SPOCK1: variants seen among roughly 807,000 people sequenced by gnomAD.
The protein encoded by SPOCK1 is testican-1.
Under a neutral mutation model 55.3 loss-of-function variants are expected in SPOCK1, and 23 were observed. That is an observed-to-expected ratio of 0.42 (90% confidence interval 0.30 to 0.59). The LOEUF (loss-of-function observed/expected upper bound fraction) is 0.59, where lower values mean the gene tolerates loss of function less well. SPOCK1 is among the 20% of genes least tolerant of loss of function. The pLI is 0.22. For missense variants in SPOCK1, 499 were observed against 552.5 expected, an observed-to-expected ratio of 0.90 and a Z score of 0.97; for synonymous variants, 226 against 221.0, an observed-to-expected ratio of 1.02 and a Z score of -0.20.
At chr5:137,354,801 C>T (rs1580882019) in intron 2 of SPOCK1, among the ~76,000 whole-genome samples, 1 of 152,124 alleles carries the variant, frequency 6.6e-6, no homozygotes, top group Non-Finnish European at 1.5e-5. Context: ...AGGATTGGCC[C>T]GTAGGAGGTA....
At chr5:137,082,376 C>A (rs1160158502) in intron 5 of SPOCK1, among the ~76,000 whole-genome samples, 3 of 152,156 alleles carry the variant, frequency 2.0e-5, no homozygotes, top group African/African-American at 7.2e-5. Flanking sequence ...CTACTTGCAA[C>A]AAGCTATTGG....
chr5:137,114,098 C>A (rs371725767), intron 4 of SPOCK1, among the ~76,000 whole-genome samples: 38 of 152,296 alleles, frequency 2.5e-4, no homozygotes, highest in African/African-American at 8.7e-4. Flanking sequence ...AGAGGATCAA[C>A]AGGTACCCAC....
chr5:137,265,941 G>A (rs530415640), intron 3 of SPOCK1, among the ~76,000 whole-genome samples: 21 of 152,112 alleles, frequency 1.4e-4, no homozygotes, highest in Non-Finnish European at 2.1e-4. Context: ...TGCATACAGC[G>A]AAAGCTCAAT....
chr5:137,117,793 T>G (rs1580759633), intron 4 of SPOCK1, among the ~76,000 whole-genome samples: 1 of 152,210 alleles, frequency 6.6e-6, no homozygotes, highest in African/African-American at 2.4e-5. Context: ...GGAGCTCCCC[T>G]GTGCATCAGC....
chr5:137,132,515 G>C (rs1753904944), intron 4 of SPOCK1, among the ~76,000 whole-genome samples: 2 of 152,086 alleles, frequency 1.3e-5, no homozygotes, highest in Non-Finnish European at 1.5e-5. Context: ...CATTATTCTG[G>C]GCAGAACTGC....
At chr5:137,475,141 A>G (rs534881458) in intron 2 of SPOCK1, among the ~76,000 whole-genome samples, 26 of 152,206 alleles carry the variant, frequency 1.7e-4, no homozygotes, top group Non-Finnish European at 2.4e-4. Flanking sequence ...AGTGGGAAGT[A>G]TAATACAGAC....
intron 2 of SPOCK1, among the ~76,000 whole-genome samples, chr5:137,405,286 A>G (rs1580907708): frequency 6.6e-6 from 1 of 152,322 alleles, no homozygotes; most frequent in East Asian, 1.9e-4. Context: ...TCCCCTCATC[A>G]ATTCATATAA....
chr5:137,330,642 C>T (rs1758156480), intron 2 of SPOCK1, among the ~76,000 whole-genome samples: 1 of 152,184 alleles, frequency 6.6e-6, no homozygotes, highest in African/African-American at 2.4e-5. Context: ...CTACTATGTG[C>T]CAGACATAGA....
intron 3 of SPOCK1, among the ~76,000 whole-genome samples, chr5:137,190,440 G>C (rs544313168): frequency 6.6e-5 from 10 of 152,202 alleles, no homozygotes; most frequent in African/African-American, 2.4e-4. Flanking sequence ...TTCAGATGAT[G>C]GTTAGCATTT....
chr5:137,402,763 A>G (rs528633087), intron 2 of SPOCK1, among the ~76,000 whole-genome samples: 2 of 152,376 alleles, frequency 1.3e-5, no homozygotes, highest in Admixed American at 6.5e-5. Context: ...ATCTGAAAAT[A>G]AGAAAAAATA....
At chr5:137,159,001 G>A (rs552051883) in intron 3 of SPOCK1, among the ~76,000 whole-genome samples, 1 of 152,238 alleles carries the variant, frequency 6.6e-6, no homozygotes, top group Admixed American at 6.5e-5. Flanking sequence ...CAAATTCTCA[G>A]TCTAAATGAT....
intron 6 of SPOCK1, among the ~76,000 whole-genome samples, chr5:137,040,124 T>G (rs1289065960): frequency 6.6e-6 from 1 of 152,226 alleles, no homozygotes; most frequent in Non-Finnish European, 1.5e-5. Flanking sequence ...AGCTTCCCAG[T>G]GCCCACTAGG....
At position 137,498,532 on chromosome 5, in the gene SPOCK1, C is replaced by A; in HGVS notation, c.27G>T (p.Ala9=). The change falls in exon 2 of 11, where the codon GCG becomes GCT. Residue 9 remains alanine (A), a synonymous_variant. Coordinates refer to ENST00000394945, the MANE Select transcript of SPOCK1 (RefSeq NM_004598.4). ...GGAGGAAGCACCACGCCGCGGCGGC[C>A]GCCGCCAACACCGCGATCGCCGGCA... MPAIAVLA[A]AAAAWCFLQV... 6.5e-7 allele frequency: 1 copy of A among 1,542,294 alleles called. No homozygotes were observed. The highest frequency in any genetic ancestry group is 1.4e-5 in the African/African-American group (1 of 72,688).
At chr5:137,487,453 G>A (rs1023317098) in intron 2 of SPOCK1, among the ~76,000 whole-genome samples, 4 of 151,824 alleles carry the variant, frequency 2.6e-5, no homozygotes, top group African/African-American at 4.8e-5. Flanking sequence ...CTGTGGTTCC[G>A]ACTATCAGTA....
At chr5:137,099,558 A>T (rs961947843) in intron 5 of SPOCK1, among the ~76,000 whole-genome samples, 16 of 128,364 alleles carry the variant, frequency 1.2e-4, no homozygotes, top group Non-Finnish European at 2.1e-4. Flanking sequence ...TAACAGATTT[A>T]AAAAAATATA....
rs1034925616 is a variant in SPOCK1 at position 137,379,527 on chromosome 5, A to AC, written c.187-112473dup. Among the ~76,000 whole-genome samples the AC allele has an allele frequency of 3.7e-4, 7 of 18,976 alleles. No individual in the cohort carries two copies. In the South Asian group the frequency reaches 7.5e-3, roughly 20 times the overall value. The allele number at this position is 18,976 out of a possible 152,430, so 12.4% of individuals were successfully genotyped here. On this transcript the variant is annotated intron_variant, in intron 2 of 10. Coordinates refer to ENST00000394945, the MANE Select transcript of SPOCK1 (RefSeq NM_004598.4). ...CAAGTAACAAGATCTCTTAATACCCACCCCCCCACCCCACCACCACCACTC... is the reference window on the plus strand; with the variant it reads ...CAAGTAACAAGATCTCTTAATACCCACCCCCCCCACCCCACCACCACCACTC...
chr5:137,294,448 C>T (rs1382318110), intron 2 of SPOCK1, among the ~76,000 whole-genome samples: 1 of 152,218 alleles, frequency 6.6e-6, no homozygotes, highest in Non-Finnish European at 1.5e-5. Context: ...GGCCAGGACA[C>T]AGTCAAGAGT....
intron 2 of SPOCK1, among the ~76,000 whole-genome samples, chr5:137,348,190 A>C (rs1270930481): frequency 6.6e-6 from 1 of 152,240 alleles, no homozygotes; most frequent in African/African-American, 2.4e-5. Context: ...GAACAAATGA[A>C]GAAGGTAAAC....
chr5:137,446,205 T>C (rs1311990568), intron 2 of SPOCK1, among the ~76,000 whole-genome samples: 1 of 152,146 alleles, frequency 6.6e-6, no homozygotes, highest in Non-Finnish European at 1.5e-5. Context: ...GGAAAAATAA[T>C]TACATTTTAT....
Sources: allele counts gnomAD v4.1 joint callset (sites outside exome capture counted in the v4.1 genomes callset), GRCh38; gene constraint gnomAD v4.1.1; transcripts MANE v1.5; gene names NCBI Gene and HGNC (gene_info 2026-07-23, HGNC 2026-07-21).